The following PHACTR3 variants were observed in gnomAD, a reference collection of about 807,000 sequenced individuals.
PHACTR3 encodes the protein protein phosphatase 1, regulatory subunit 123.
Under a neutral mutation model 66.8 loss-of-function variants are expected in PHACTR3, and 16 were observed. That is an observed-to-expected ratio of 0.24 (90% confidence interval 0.16 to 0.36). The LOEUF is 0.36. PHACTR3 is among the 10% of genes least tolerant of loss of function. PHACTR3 has a pLI of 1.00. For missense variants in PHACTR3, 647 were observed against 719.9 expected (o/e 0.90, Z 1.16); for synonymous variants, 323 against 292.1 (o/e 1.11, Z -1.08).
At chr20:59,716,903 A>G (rs2038114611) in intron 1 of PHACTR3, among the ~76,000 whole-genome samples, 1 of 152,142 alleles carries the variant, frequency 6.6e-6, no homozygotes, top group Admixed American at 6.5e-5. Flanking sequence ...ATAGGCAAAA[A>G]ACGCAAGCGT....
At chr20:59,790,638 T>C (rs1042654040) in intron 7 of PHACTR3, among the ~76,000 whole-genome samples, 1 of 152,240 alleles carries the variant, frequency 6.6e-6, no homozygotes, top group South Asian at 2.1e-4. Flanking sequence ...ACACCCTGCT[T>C]TGGAACCAGG....
intron 2 of PHACTR3, among the ~76,000 whole-genome samples, chr20:59,745,199 C>T (rs1439884717): frequency 6.6e-6 from 1 of 152,184 alleles, no homozygotes; most frequent in Non-Finnish European, 1.5e-5. Flanking sequence ...GAACAGCCCT[C>T]GAAAAGGCAG....
At chr20:59,777,778 C>G (rs1003604589) in intron 7 of PHACTR3, among the ~76,000 whole-genome samples, 1 of 152,172 alleles carries the variant, frequency 6.6e-6, no homozygotes, top group African/African-American at 2.4e-5. Flanking sequence ...CCCAGGGTAC[C>G]TGGTTCTAAG....
intron 1 of PHACTR3, among the ~76,000 whole-genome samples, chr20:59,733,782 T>C (rs546880788): frequency 5.3e-5 from 8 of 152,310 alleles, no homozygotes; most frequent in African/African-American, 1.7e-4. Flanking sequence ...CTTCGCTTGC[T>C]AGGGTCTTGA....
At chr20:59,811,709 G>A (rs1192819037) in intron 8 of PHACTR3, among the ~76,000 whole-genome samples, 1 of 146,974 alleles carries the variant, frequency 6.8e-6, no homozygotes, top group African/African-American at 2.5e-5. Context: ...GCAGTGGGGG[G>A]TTGGACATCC....
rs560646729 is a variant in PHACTR3, at chr20:59,804,507, C to G, written c.1175-1534C>G. 3.3e-4 allele frequency among the ~76,000 whole-genome samples: 50 copies of G among 152,304 alleles called. No individual in the cohort carries two copies. The South Asian group carries it at 1.0e-2, about 30-fold the overall frequency. On this transcript the variant is annotated intron_variant, in intron 7 of 12. Coordinates refer to ENST00000371015, the MANE Select transcript of PHACTR3 (RefSeq NM_080672.5). ...TAGTCCCTTAGCATTATGAAGGAAT[C>G]TGTCCCGAGACCTTTGAGACTTCCT...
chr20:59,725,553 T>C (rs912302248), intron 1 of PHACTR3, among the ~76,000 whole-genome samples: 1 of 152,156 alleles, frequency 6.6e-6, no homozygotes, highest in African/African-American at 2.4e-5. Context: ...CAGATGATTG[T>C]CTTGATTTGG....
intron 1 of PHACTR3, among the ~76,000 whole-genome samples, chr20:59,711,791 A>G (rs1470665178): frequency 6.6e-6 from 1 of 152,200 alleles, no homozygotes; most frequent in Non-Finnish European, 1.5e-5. Flanking sequence ...ATCGTAAGTC[A>G]GGGATAGTCT....
Position 59,704,562 on chromosome 20 carries a change from C to CTT in PHACTR3, c.119-38524_119-38523dup, listed in dbSNP as rs11331156. 4.4e-3 allele frequency among the ~76,000 whole-genome samples: 393 copies of CTT among 89,428 alleles called. 3 individuals carry two copies. The highest frequency in any genetic ancestry group is 0.013 in the African/African-American group (317 of 23,810). 58.7% of individuals were successfully genotyped at this position (89,428 alleles called of 152,430 possible). A position where few individuals can be genotyped will look rare whatever the true frequency, so the allele number is the denominator to read the frequency against. On this transcript the variant is annotated intron_variant, in intron 1 of 12. Transcript: ENST00000371015. ...CACTCAGCACTCTCCTGAGAATAGT[C>CTT]TTTTTTTTTTTTTTTTTTTTTTGCC...
chr20:59,695,108 C>T (rs2037249018), intron 1 of PHACTR3, among the ~76,000 whole-genome samples: 1 of 152,162 alleles, frequency 6.6e-6, no homozygotes, highest in South Asian at 2.1e-4. Flanking sequence ...ATCTGGTTGA[C>T]ATCCTGGCTG....
At chr20:59,766,312 A>G (rs1334135353) in intron 4 of PHACTR3, among the ~76,000 whole-genome samples, 2 of 152,216 alleles carry the variant, frequency 1.3e-5, no homozygotes, top group African/African-American at 2.4e-5. Context: ...TCCTCCTGCA[A>G]TAGTAGGCAA....
chr20:59,831,548 C>A (rs13040217), intron 8 of PHACTR3, among the ~76,000 whole-genome samples: 1 of 152,218 alleles, frequency 6.6e-6, no homozygotes, highest in African/African-American at 2.4e-5. Flanking sequence ...AGCCCCATTT[C>A]TGAATCAGGA....
rs2033597892 is a variant in PHACTR3, at chr20:59,604,798, G to C, written c.-217G>C. The C allele has an allele frequency of 8.3e-7, 1 of 1,206,070 alleles. No individual in the cohort carries two copies. The highest frequency in any genetic ancestry group is 1.0e-6 in the Non-Finnish European group (1 of 973,478). 74.7% of individuals were successfully genotyped at this position (1,206,070 alleles called of 1,614,324 possible). ...GGCCGCGCACGCCGGGATGCGCCTG[G>C]CTGCAGCCGGCGAGGCTATTGTCTC... is the stretch of plus-strand genomic sequence containing the variant. On this transcript the variant is annotated 5_prime_UTR_variant, in exon 1 of 13. Coordinates refer to ENST00000371015, the MANE Select transcript of PHACTR3 (RefSeq NM_080672.5).
At chr20:59,664,076 A>T (rs1047861658) in intron 1 of PHACTR3, among the ~76,000 whole-genome samples, 1 of 152,146 alleles carries the variant, frequency 6.6e-6, no homozygotes, top group Non-Finnish European at 1.5e-5. Context: ...AGCCACACTT[A>T]ACTGTAAGTT....
Position 59,585,226 on chromosome 20 carries a change from G to C in PHACTR3, c.109+7609G>C, listed in dbSNP as rs538610152. Among the ~76,000 whole-genome samples, 20 of 152,244 alleles carry C rather than the reference G, an allele frequency of 1.3e-4. No individual in the cohort carries two copies. The South Asian group carries it at 4.1e-3, about 32-fold the overall frequency. On this transcript the variant is annotated intron_variant, in intron 1 of 12. Coordinates refer to the PHACTR3 transcript ENST00000359926. The stretch of plus-strand genomic sequence containing the variant: ...CCTTAGAATCGGCCTTCCCTGACTC[G>C]GGGTCGGCATGAACCCACCTCTCAG...
At chr20:59,710,246 A>G (rs907579775) in intron 1 of PHACTR3, among the ~76,000 whole-genome samples, 1 of 152,234 alleles carries the variant, frequency 6.6e-6, no homozygotes, top group Admixed American at 6.5e-5. Flanking sequence ...AATGGAAAAG[A>G]TAGATGTGGC....
At chr20:59,676,813 T>C in intron 1 of PHACTR3, 1 of 862,576 alleles carries the variant, frequency 1.2e-6, no homozygotes, top group Non-Finnish European at 1.4e-6. Context: ...GCAGGGACTC[T>C]GCTTAGGGAG....
At chr20:59,644,803 T>C (rs2035227314) in intron 1 of PHACTR3, among the ~76,000 whole-genome samples, 1 of 152,180 alleles carries the variant, frequency 6.6e-6, no homozygotes, top group African/African-American at 2.4e-5. Flanking sequence ...GTCACATCCC[T>C]ACCTCATCGC....
intron 1 of PHACTR3, among the ~76,000 whole-genome samples, chr20:59,669,483 C>T (rs1204211828): frequency 6.6e-6 from 1 of 152,186 alleles, no homozygotes; most frequent in African/African-American, 2.4e-5. Context: ...AGAGATAATT[C>T]ACATATCGTG....
Sources: allele counts gnomAD v4.1 joint callset (sites outside exome capture counted in the v4.1 genomes callset), GRCh38; gene constraint gnomAD v4.1.1; transcripts MANE v1.5; gene names NCBI Gene and HGNC (gene_info 2026-07-23, HGNC 2026-07-21).